The following MEGF10 variants were observed in gnomAD, a reference collection of about 807,000 sequenced individuals.
The protein encoded by MEGF10 is multiple epidermal growth factor-like domains protein 10.
MEGF10 carries 86 observed loss-of-function variants against 147.5 expected under a neutral mutation model. The observed-to-expected ratio is 0.58, with a 90% CI of 0.49 to 0.70. MEGF10 has a LOEUF of 0.70. Among genes scored for constraint, MEGF10 ranks in the 30% least tolerant of loss-of-function variants. The pLI, the probability that MEGF10 is intolerant of heterozygous loss-of-function variation, is 0.00. For missense variants in MEGF10, 1,329 were observed against 1,487.3 expected (o/e 0.89, Z 1.75); for synonymous variants, 478 against 525.5 (o/e 0.91, Z 1.24).
chr5:127,451,046 A>G (rs928354080), intron 22 of MEGF10, among the ~76,000 whole-genome samples: 3 of 152,204 alleles, frequency 2.0e-5, no homozygotes, highest in Admixed American at 2.0e-4. Flanking sequence ...GGCATGAGCC[A>G]CCACACTTGG....
the MEGF10 span, among the ~76,000 whole-genome samples, chr5:127,284,418 A>T: frequency 1.5e-3 from 222 of 151,412 alleles, no homozygotes; most frequent in African/African-American, 5.1e-3. Flanking sequence ...CTATGAGGAA[A>T]AAGTGTTTAA....
chr5:127,419,248 T>C lies in MEGF10; in HGVS notation c.1426+8T>C. The C allele has an allele frequency of 6.2e-7, 1 of 1,610,618 alleles. No homozygotes were observed. Among genetic ancestry groups the C allele is most frequent in the Non-Finnish European group, 8.5e-7 (1 of 1,179,218 alleles). On this transcript the variant is annotated splice_region_variant and intron_variant, in intron 11 of 24. Coordinates refer to ENST00000503335, the MANE Select transcript of MEGF10 (RefSeq NM_001256545.2). ...CTTGTACTTGCAAGGCAGGTAAGAA[T>C]GGGTAAATAAGTCTTTAATTTGATC...
chr5:127,410,006 T>C (rs1764492632), intron 8 of MEGF10: 1 of 175,882 alleles, frequency 5.7e-6, no homozygotes, highest in Non-Finnish European at 1.2e-5. Flanking sequence ...AAAGTATGTT[T>C]TGAAATTTCA....
chr5:127,331,565 G>A (rs1276758894), intron 2 of MEGF10, 141 bp downstream of exon 2: 5 of 565,162 alleles, frequency 8.8e-6, no homozygotes, highest in Non-Finnish European at 1.6e-5. Context: ...GTCATAGCTA[G>A]CAAATTAGGT....
chr5:127,429,939 C>A (rs529831342), intron 13 of MEGF10, among the ~76,000 whole-genome samples: 7 of 152,292 alleles, frequency 4.6e-5, no homozygotes, highest in African/African-American at 1.7e-4. Flanking sequence ...CTTGGCTCAA[C>A]TCAACTTGGC....
chr5:127,268,916 C>G, the MEGF10 span, among the ~76,000 whole-genome samples: 1 of 152,234 alleles, frequency 6.6e-6, no homozygotes, highest in Non-Finnish European at 1.5e-5. Context: ...CAGGCAGCAA[C>G]ATTTGCTGTT....
chr5:127,361,999 A>T (rs1762484461), intron 4 of MEGF10, among the ~76,000 whole-genome samples: 1 of 152,118 alleles, frequency 6.6e-6, no homozygotes. Context: ...TTCTGCTGTT[A>T]TTGGGTGGAG....
chr5:127,355,146 T>C (rs1398720705), intron 4 of MEGF10, among the ~76,000 whole-genome samples: 2 of 152,024 alleles, frequency 1.3e-5, no homozygotes, highest in Non-Finnish European at 2.9e-5. Context: ...CAGAGGTCTG[T>C]TTAGGGGAAA....
the MEGF10 span, among the ~76,000 whole-genome samples, chr5:127,242,998 AT>A: frequency 2.2e-4 from 34 of 152,290 alleles, no homozygotes; most frequent in African/African-American, 8.2e-4. Context: ...TATAATAAAA[AT>A]TTTTATCTGT....
intron 13 of MEGF10, among the ~76,000 whole-genome samples, chr5:127,425,018 C>A (rs905553810): frequency 2.0e-5 from 3 of 152,236 alleles, no homozygotes; most frequent in African/African-American, 7.2e-5. Context: ...AAATCTACTT[C>A]TGTCTTATAA....
At chr5:127,322,321 TCAAA>T (rs1200900880) in intron 1 of MEGF10, among the ~76,000 whole-genome samples, 10 of 152,150 alleles carry the variant, frequency 6.6e-5, no homozygotes, top group Admixed American at 4.6e-4. Context: ...ACACTGTGCT[TCAAA>T]CAATCCTGCC....
At chr5:127,358,412 C>T (rs529606663) in intron 4 of MEGF10, among the ~76,000 whole-genome samples, 3 of 152,206 alleles carry the variant, frequency 2.0e-5, no homozygotes, top group East Asian at 1.9e-4. Context: ...ATTGGATAAC[C>T]GGAAGCAAAA....
chr5:127,305,201 A>G lies in MEGF10; in HGVS notation c.-19+14145A>G, dbSNP rs144655867. ...TTCCCCCAAGACTCATTTTTCCTCT[A>G]GAGGAGGTGCTAATGAGCAGTGAAA... On this transcript the variant is annotated intron_variant, in intron 1 of 24. Transcript: ENST00000503335. Among the ~76,000 whole-genome samples the G allele has an allele frequency of 3.9e-5, 6 of 152,330 alleles. No homozygotes were observed. The East Asian group carries it at 9.6e-4, about 24-fold the overall frequency.
rs1176665594 is a variant in MEGF10, at chr5:127,459,958, T to C, written c.*2640T>C. 5 of 152,216 alleles carry C rather than the reference T, an allele frequency of 3.3e-5. No homozygotes were observed. The highest frequency in any genetic ancestry group is 7.4e-5 in the Non-Finnish European group (5 of 68,024). The allele number at this position is 152,216 out of a possible 1,614,324, so 9.4% of individuals were successfully genotyped here. On this transcript the variant is annotated 3_prime_UTR_variant, in exon 25 of 25. Transcript: ENST00000503335. Reference sequence around the variant, plus strand: ...AATTAAAGAGAAAACAAAAGAATCTTGGCAAAATTTTCCCTCTGAAATTAC... The same window carrying C: ...AATTAAAGAGAAAACAAAAGAATCTCGGCAAAATTTTCCCTCTGAAATTAC...
At chr5:127,303,260 C>G (rs1759853449) in intron 1 of MEGF10, among the ~76,000 whole-genome samples, 1 of 148,362 alleles carries the variant, frequency 6.7e-6, no homozygotes, top group Non-Finnish European at 1.5e-5. Context: ...CGCTTGAACT[C>G]AGGAGGCAGA....
chr5:127,438,211 C>T (rs1765628133), intron 16 of MEGF10, among the ~76,000 whole-genome samples: 1 of 152,182 alleles, frequency 6.6e-6, no homozygotes, highest in Non-Finnish European at 1.5e-5. Context: ...CCCCAGCCAC[C>T]TCACTCTGCA....
At chr5:127,353,586 C>T (rs1762165546) in intron 4 of MEGF10, among the ~76,000 whole-genome samples, 1 of 152,200 alleles carries the variant, frequency 6.6e-6, no homozygotes, top group African/African-American at 2.4e-5. Flanking sequence ...CTGCTTGCAG[C>T]AGAATCGTGA....
At chr5:127,374,947 A>G (rs1218338597) in intron 5 of MEGF10, among the ~76,000 whole-genome samples, 1 of 152,134 alleles carries the variant, frequency 6.6e-6, no homozygotes, top group Non-Finnish European at 1.5e-5. Flanking sequence ...GGCTCAAACC[A>G]TCATTACTGA....
intron 9 of MEGF10, among the ~76,000 whole-genome samples, chr5:127,416,252 TCTCCTGAC>T (rs1764772325): frequency 6.6e-6 from 1 of 151,948 alleles, no homozygotes; most frequent in African/African-American, 2.4e-5. Context: ...ATGGTCTAGA[TCTCCTGAC>T]CTCGTGATCC....
Sources: gnomAD v4.1 joint callset for allele counts (sites outside exome capture counted in the v4.1 genomes callset) on GRCh38, gnomAD v4.1.1 for gene constraint, MANE v1.5 for transcripts, NCBI Gene and HGNC (gene_info 2026-07-23, HGNC 2026-07-21) for gene names.